The following SYT8 variants were observed in gnomAD, a reference collection of about 807,000 sequenced individuals.
SYT8 encodes the protein synaptotagmin 8, also known as synaptotagmin-8.
In SYT8, 50 loss-of-function variants were observed where a neutral mutation model predicts 34.9. The observed-to-expected ratio is 1.43, with a 90% CI of 1.14 to 1.81. SYT8 has a LOEUF of 1.81. SYT8 is among the 40% of genes most tolerant of loss of function. SYT8 has a pLI of 0.00. For synonymous variants in SYT8, 255 were observed against 234.2 expected (o/e 1.09, Z -0.81); for missense variants, 595 against 529.0 (o/e 1.12, Z -1.22).
In SYT8 at chr11:1,836,768, G is replaced by A. The variant is rs747189922; in HGVS notation, c.697G>A (p.Gly233Arg). 3 of 1,609,604 alleles carry A rather than the reference G, an allele frequency of 1.9e-6. No individual in the cohort carries two copies. The highest frequency in any genetic ancestry group is 2.5e-6 in the Non-Finnish European group (3 of 1,179,884). The stretch of plus-strand genomic sequence containing the variant: ...TTGCTGCCCACAGCCCGAGCAGGTC[G>A]GGGAGCTGTGCTTCTCTCTCCGGTA... ...PPAATQPEQV[G>R]ELCFSLRYVP... The change falls in exon 6 of 8, where the codon GGG becomes AGG. Residue 233 changes from glycine (G) to arginine (R), a missense_variant. Coordinates refer to ENST00000341958, the MANE Select transcript of SYT8 (RefSeq NM_001394072.1).
At chr11:1,834,986 T>A (rs7108419), upstream of SYT8, 3,054 of 1,055,624 alleles carry the variant, frequency 2.9e-3, 49 homozygotes, top group African/African-American at 0.042. The surrounding 1 kb of genome is among the most constrained non-coding windows in gnomAD (Gnocchi z 4.5). Flanking sequence ...CTCCTTGCCC[T>A]GGCAGACCCA....
chr11:1,834,395 C>T, upstream of SYT8: 2 of 659,290 alleles, frequency 3.0e-6, no homozygotes, highest in South Asian at 1.6e-5. The surrounding 1 kb of genome is among the most constrained non-coding windows in gnomAD (Gnocchi z 4.5). Flanking sequence ...CTGCACCCTG[C>T]CCCTACCTGC....
chr11:1,835,839 G>A, intron 2 of SYT8, 47 bp from the exon 3 acceptor site: 1 of 1,523,202 alleles, frequency 6.6e-7, no homozygotes, highest in East Asian at 2.3e-5. Flanking sequence ...GGGCTCTGAT[G>A]AGGCATGATG....
In SYT8 at chr11:1,835,054, C is replaced by T. The variant is rs747558371; in HGVS notation, c.-52C>T. The T allele has an allele frequency of 6.3e-7, 1 of 1,590,706 alleles. No individual in the cohort carries two copies. The highest frequency in any genetic ancestry group is 8.6e-7 in the Non-Finnish European group (1 of 1,161,854). ...GGCAGGGGCCGGAGGGGCCACCCTCCCAGCTGACCCAGCCTCCTGGGCCGC... is the reference window on the plus strand; with the variant it reads ...GGCAGGGGCCGGAGGGGCCACCCTCTCAGCTGACCCAGCCTCCTGGGCCGC... On this transcript the variant is annotated 5_prime_UTR_variant, in exon 1 of 8. Coordinates refer to ENST00000341958, the MANE Select transcript of SYT8 (RefSeq NM_001394072.1).
chr11:1,833,489 C>A (rs1383537579), upstream of SYT8, among the ~76,000 whole-genome samples: 2 of 152,226 alleles, frequency 1.3e-5, no homozygotes, highest in Admixed American at 6.5e-5. Context: ...GGAAAGCTGG[C>A]CCTGACCTCC....
At chr11:1,835,251 G>A (rs1229267375) in intron 1 of SYT8, 45 bp from the exon 2 acceptor site, 2 of 1,605,966 alleles carry the variant, frequency 1.2e-6, no homozygotes, top group African/African-American at 1.3e-5. Context: ...GCCAAGTGGG[G>A]GCTGCAGCTG....
At position 1,835,010 on chromosome 11, in the gene SYT8, C is replaced by A; in HGVS notation, c.-96C>A. 4.6e-6 allele frequency: 6 copies of A among 1,302,136 alleles called. No homozygotes were observed. The highest frequency in any genetic ancestry group is 1.2e-5 in the South Asian group (1 of 80,084). The allele number at this position is 1,302,136 out of a possible 1,614,324, so 80.7% of individuals were successfully genotyped here. A position where few individuals can be genotyped will look rare whatever the true frequency, so the allele number is the denominator to read the frequency against. ...CTGGCAGACCCAGCACTGGCTGCTG[C>A]TAGTCAGATGGGGTAGCGGGCAGGG... is the stretch of plus-strand genomic sequence containing the variant. On this transcript the variant is annotated 5_prime_UTR_variant, in exon 1 of 8. Coordinates refer to ENST00000341958, the MANE Select transcript of SYT8 (RefSeq NM_001394072.1).
rs766858888 is a variant in SYT8 at position 1,836,280 on chromosome 11, T to C, written c.512T>C (p.Phe171Ser). The C allele has an allele frequency of 6.5e-6, 10 of 1,549,222 alleles. No individual in the cohort carries two copies. The highest frequency in any genetic ancestry group is 8.7e-6 in the Non-Finnish European group (10 of 1,149,666). Residue 171 changes from phenylalanine to serine, a missense_variant, in exon 4 of 8, where the codon TTC becomes TCC. Transcript: ENST00000341958. The part of the protein sequence containing the change: ...LCPVFDETCC[F>S]HIPQAELPGA... Reference sequence around the variant, plus strand: ...CCCGTGTTTGACGAGACCTGCTGCTTCCACGTGAGTCAGGGATGGTCGGCT... The same window carrying C: ...CCCGTGTTTGACGAGACCTGCTGCTCCCACGTGAGTCAGGGATGGTCGGCT...
In SYT8 at chr11:1,837,416, C is replaced by G; in HGVS notation, c.1149C>G (p.Pro383=). Residue 383 remains proline (P), a synonymous_variant, in exon 8 of 8, where the codon CCC becomes CCG. Transcript: ENST00000341958. ...AGCCCCGCCTTCGCCTGCGCCTGCC[C>G]TTGCCCCACTCCTGAATGCACCACA... ...ALQPRLRLRL[P]LPHS is the part of the protein sequence containing the mutation. 1 of 1,605,778 alleles carries G rather than the reference C, an allele frequency of 6.2e-7. No individual in the cohort carries two copies. The highest frequency in any genetic ancestry group is 8.5e-7 in the Non-Finnish European group (1 of 1,179,530).
At chr11:1,834,614 T>A (rs765351853), upstream of SYT8, 25 of 1,586,634 alleles carry the variant, frequency 1.6e-5, no homozygotes, top group Middle Eastern at 1.7e-4. The surrounding 1 kb of genome is among the most constrained non-coding windows in gnomAD (Gnocchi z 4.5). Flanking sequence ...GGGCCCCAGC[T>A]GTGGTGCGTG....
upstream of SYT8, among the ~76,000 whole-genome samples, chr11:1,832,085 G>T (rs1220706998): frequency 4.6e-5 from 7 of 152,220 alleles, no homozygotes; most frequent in Non-Finnish European, 7.3e-5. Context: ...TCTAAAGGAG[G>T]GGCTCACCCC....
intron 5 of SYT8, 52 bp from the exon 6 acceptor site, chr11:1,836,704 C>T: frequency 1.4e-5 from 22 of 1,596,774 alleles, no homozygotes; most frequent in Non-Finnish European, 1.8e-5. Context: ...GTCTGAGCCC[C>T]AACTCGGCCA....
chr11:1,831,973 G>A (rs1442078043), upstream of SYT8: 7 of 355,708 alleles, frequency 2.0e-5, no homozygotes, highest in South Asian at 6.1e-5. Context: ...AAGGGCTCAC[G>A]GAAAGGTGTT....
At chr11:1,835,655 C>A in intron 2 of SYT8, 196 bp downstream of exon 2, 1 of 750,436 alleles carries the variant, frequency 1.3e-6, no homozygotes, top group Non-Finnish European at 2.2e-6. Context: ...GCCCCATGGG[C>A]CCGAGGGAGC....
At position 1,835,451 on chromosome 11, in the gene SYT8, A is replaced by C. The variant is rs749085951; in HGVS notation, c.250A>C (p.Thr84Pro). Reference protein sequence around the residue: ...GLGSARGTTTTHLVQPDVDGL... With the variant: ...GLGSARGTTTPHLVQPDVDGL... The stretch of plus-strand genomic sequence containing the variant: ...GGGCAGTGCCCGCGGCACCACCACC[A>C]CCCACCTGGTGAGGAGCGGCTCCTT... Residue 84 changes from threonine (T) to proline (P), a missense_variant, in exon 2 of 8, where the codon ACC (threonine) becomes CCC (proline). By Grantham distance (38) the Thr-to-Pro change is conservative. Coordinates refer to ENST00000341958, the MANE Select transcript of SYT8 (RefSeq NM_001394072.1). The C allele has an allele frequency of 1.6e-5, 25 of 1,609,104 alleles. No homozygotes were observed. In the South Asian group the frequency reaches 2.5e-4, roughly 16 times the overall value.
Position 1,835,061 on chromosome 11 carries a change from ACCCAGCCT to A in SYT8, c.-42_-35del. 1 of 1,598,900 alleles carries A rather than the reference ACCCAGCCT, an allele frequency of 6.3e-7. No homozygotes were observed. The highest frequency in any genetic ancestry group is 8.6e-7 in the Non-Finnish European group (1 of 1,168,626). ...GCCGGAGGGGCCACCCTCCCAGCTGACCCAGCCTCCTGGGCCGCTTCTTCCAAACCAGC... is the reference window on the plus strand; with the variant it reads ...GCCGGAGGGGCCACCCTCCCAGCTGACCTGGGCCGCTTCTTCCAAACCAGC... On this transcript the variant is annotated 5_prime_UTR_variant, in exon 1 of 8. Transcript: ENST00000341958.
chr11:1,832,769 G>A (rs1846714352), upstream of SYT8, among the ~76,000 whole-genome samples: 1 of 152,328 alleles, frequency 6.6e-6, no homozygotes, highest in East Asian at 1.9e-4. Flanking sequence ...CTTCTGGGTG[G>A]CCCCTGTGCT....
rs375979791 is a variant in SYT8, at chr11:1,836,174, G to A, written c.406G>A (p.Val136Met). ...QAADLRPGGT[V>M]DPYARVSVST... The stretch of plus-strand genomic sequence containing the variant: ...AGCCGACCTGAGGCCTGGGGGCACC[G>A]TGGACCCCTATGCCCGGGTCAGCGT... Residue 136 changes from valine to methionine, a missense_variant, in exon 4 of 8, where the codon GTG becomes ATG. Coordinates refer to ENST00000341958, the MANE Select transcript of SYT8 (RefSeq NM_001394072.1). The A allele has an allele frequency of 5.9e-5, 92 of 1,549,654 alleles. No homozygotes were observed. The highest frequency in any genetic ancestry group is 1.7e-4 in the South Asian group (14 of 82,304).
Position 1,835,021 on chromosome 11 carries a change from G to C in SYT8, c.-85G>C. On this transcript the variant is annotated 5_prime_UTR_variant, in exon 1 of 8. Transcript: ENST00000341958. ...AGCACTGGCTGCTGCTAGTCAGATG[G>C]GGTAGCGGGCAGGGGCCGGAGGGGC... 7.2e-7 allele frequency: 1 copy of C among 1,396,368 alleles called. No individual in the cohort carries two copies. Among genetic ancestry groups the C allele is most frequent in the Non-Finnish European group, 1.0e-6 (1 of 994,984 alleles). 86.5% of individuals were successfully genotyped at this position (1,396,368 alleles called of 1,614,324 possible). A position where few individuals can be genotyped will look rare whatever the true frequency, so the allele number is the denominator to read the frequency against.
Sources: allele counts gnomAD v4.1 joint callset (sites outside exome capture counted in the v4.1 genomes callset), GRCh38; gene constraint gnomAD v4.1.1; non-coding constraint Gnocchi (gnomAD v3.1); transcripts MANE v1.5; gene names NCBI Gene and HGNC (gene_info 2026-07-23, HGNC 2026-07-21).